The following ADGRA3 variants were observed in gnomAD, a reference collection of about 807,000 sequenced individuals.
ADGRA3 encodes the protein G-protein coupled receptor 125.
A neutral mutation model predicts 119.8 loss-of-function variants in ADGRA3; 56 were observed. The ratio of observed to expected loss-of-function variants is 0.47; its 90% CI spans 0.38 to 0.58. ADGRA3 has a LOEUF of 0.58. Ranked by LOEUF, ADGRA3 falls within the 20% of genes least tolerant of loss-of-function variation. The probability of loss-of-function intolerance (pLI) is 0.00; values close to 1 mark genes in which losing one functional copy is unlikely to be tolerated. For missense variants in ADGRA3, 1,516 were observed against 1,649.0 expected, an observed-to-expected ratio of 0.92 and a Z score of 1.40; for synonymous variants, 607 against 623.8, an observed-to-expected ratio of 0.97 and a Z score of 0.40.
intron 1 of ADGRA3, among the ~76,000 whole-genome samples, chr4:22,498,912 CA>C (rs55995027): frequency 3.7e-4 from 13 of 35,314 alleles, no homozygotes; most frequent in East Asian, 1.8e-3. Flanking sequence ...AGACTCGTCT[CA>C]AAAAAAAAAC....
chr4:22,505,835 C>A (rs567231189), intron 1 of ADGRA3, among the ~76,000 whole-genome samples: 2 of 151,992 alleles, frequency 1.3e-5, no homozygotes, highest in South Asian at 4.2e-4. Flanking sequence ...GGAAGAGGTA[C>A]AAGACTAAGA....
intron 11 of ADGRA3, among the ~76,000 whole-genome samples, chr4:22,423,366 C>T (rs780175175): frequency 1.3e-5 from 2 of 152,028 alleles, no homozygotes; most frequent in Non-Finnish European, 2.9e-5. Flanking sequence ...CAGAGATCAA[C>T]AGGAAAATAG....
chr4:22,412,233 CGTACTCTAAATATACTCCTTGAT>C (rs1456774152), intron 14 of ADGRA3, among the ~76,000 whole-genome samples: 1 of 151,990 alleles, frequency 6.6e-6, no homozygotes, highest in Non-Finnish European at 1.5e-5. Context: ...TTCCTTCCAC[CGTACTCTAAATATACTCCTTGAT>C]GTCAGTATTT....
chr4:22,498,745 C>G (rs1718939596), intron 1 of ADGRA3, among the ~76,000 whole-genome samples: 1 of 151,956 alleles, frequency 6.6e-6, no homozygotes, highest in Non-Finnish European at 1.5e-5. Flanking sequence ...GAAACCCCGT[C>G]TCTACTAAAA....
rs1714421778 is a variant in ADGRA3, at chr4:22,397,667, T to A, written c.2481+3764A>T. Reference sequence around the variant, plus strand: ...GTGGGAGGTAACTGAATCATGAGGGTGGGTCTTTCCTGAGCTGTTCTTGCG... The same window carrying A: ...GTGGGAGGTAACTGAATCATGAGGGAGGGTCTTTCCTGAGCTGTTCTTGCG... On this transcript the variant is annotated intron_variant, in intron 16 of 18. Transcript: ENST00000334304. Among the ~76,000 whole-genome samples, 9 of 152,026 alleles carry A rather than the reference T, an allele frequency of 5.9e-5. No individual in the cohort carries two copies. In the South Asian group the frequency reaches 1.9e-3, roughly 32 times the overall value.
chr4:22,459,285 A>T (rs186748309), intron 3 of ADGRA3, among the ~76,000 whole-genome samples: 564 of 152,250 alleles, frequency 3.7e-3, no homozygotes, highest in African/African-American at 0.012. Context: ...ACATGGATAC[A>T]TAGAGGGAAC....
chr4:22,453,209 AAAAAAAAAG>A (rs1281227189), intron 4 of ADGRA3, among the ~76,000 whole-genome samples: 2 of 68,578 alleles, frequency 2.9e-5, no homozygotes, highest in African/African-American at 6.3e-5. Flanking sequence ...TCAAAAAAAA[AAAAAAAAAG>A]AAAGAAAAAG....
chr4:22,432,755 A>G (rs1262400706), intron 10 of ADGRA3, among the ~76,000 whole-genome samples: 1 of 151,544 alleles, frequency 6.6e-6, no homozygotes. Flanking sequence ...TATCACTTAG[A>G]TCTGGCAGTT....
intron 16 of ADGRA3, chr4:22,394,446 T>G (rs914500960): frequency 6.6e-6 from 1 of 152,200 alleles, no homozygotes; most frequent in African/African-American, 2.4e-5. Flanking sequence ...CTGACTGCGC[T>G]GTGAAAGCAA....
At chr4:22,457,251 C>T (rs1174634918) in intron 3 of ADGRA3, among the ~76,000 whole-genome samples, 3 of 152,152 alleles carry the variant, frequency 2.0e-5, no homozygotes, top group African/African-American at 7.2e-5. Flanking sequence ...CAGAAAGCCA[C>T]TTCAACTTCC....
At chr4:22,423,739 T>C (rs1715809642) in intron 11 of ADGRA3, among the ~76,000 whole-genome samples, 1 of 152,194 alleles carries the variant, frequency 6.6e-6, no homozygotes, top group Non-Finnish European at 1.5e-5. Flanking sequence ...CAATCAGATA[T>C]TCTCTCAAAA....
intron 12 of ADGRA3, among the ~76,000 whole-genome samples, chr4:22,415,624 AC>A (rs1303112739): frequency 6.6e-6 from 1 of 152,184 alleles, no homozygotes; most frequent in East Asian, 1.9e-4. Context: ...AAACTCAAGT[AC>A]TATAAAATTC....
chr4:22,470,983 G>A (rs1447033844), intron 2 of ADGRA3, among the ~76,000 whole-genome samples: 1 of 152,150 alleles, frequency 6.6e-6, no homozygotes, highest in Non-Finnish European at 1.5e-5. Context: ...GAGGGTTGCT[G>A]AAAGCAGGAG....
At position 22,413,273 on chromosome 4, in the gene ADGRA3, C is replaced by T. The variant is rs948715025; in HGVS notation, c.2141G>A (p.Gly714Asp). Residue 714 changes from glycine to aspartate, a missense_variant, in exon 14 of 19, where the codon GGC becomes GAC. Transcript: ENST00000334304. ...WDFDLLNGQG[G>D]WKSDGCHILY... ...TATATGGCACCCATCTGACTTCCAG[C>T]CTCCTTGTCCGTTCAGCAAATCGAA... 1.2e-6 allele frequency: 2 copies of T among 1,613,980 alleles called. No individual in the cohort carries two copies. Among genetic ancestry groups the T allele is most frequent in the African/African-American group, 2.7e-5 (2 of 74,906 alleles).
In ADGRA3 at chr4:22,442,007, G is replaced by A. The variant is rs1716633752; in HGVS notation, c.920+643C>T. ...CCTGGCAGAGAGTCTGAAAACTGCA[G>A]CTCTACTGAAATAAAAATATAAGCC... On this transcript the variant is annotated intron_variant, in intron 7 of 18. Transcript: ENST00000334304. Among the ~76,000 whole-genome samples, 3 of 152,138 alleles carry A rather than the reference G, an allele frequency of 2.0e-5. No individual in the cohort carries two copies. In the South Asian group the frequency reaches 6.2e-4, roughly 32 times the overall value.
intron 2 of ADGRA3, among the ~76,000 whole-genome samples, chr4:22,467,304 C>G (rs969110170): frequency 5.3e-5 from 8 of 152,172 alleles, no homozygotes; most frequent in Non-Finnish European, 7.3e-5. Context: ...CCAGGAGGTA[C>G]AGTTAATCAT....
chr4:22,408,362 T>A (rs958293254), intron 14 of ADGRA3, among the ~76,000 whole-genome samples: 1 of 151,716 alleles, frequency 6.6e-6, no homozygotes, highest in Non-Finnish European at 1.5e-5. Context: ...AAAAAAGGCA[T>A]GAACTGGGAG....
At chr4:22,485,217 G>A (rs771867799) in intron 1 of ADGRA3, among the ~76,000 whole-genome samples, 3 of 152,124 alleles carry the variant, frequency 2.0e-5, no homozygotes, top group Non-Finnish European at 4.4e-5. Context: ...GAATAGCTAG[G>A]ATCATAGACA....
In ADGRA3 at chr4:22,402,673, A is replaced by C. The variant is rs1714715436; in HGVS notation, c.2357+2T>G. ...TCTATTTTGTCGAGATGTATTTCTTACCTGTGATGGTATATGTAACTGACA... is the reference window on the plus strand; with the variant it reads ...TCTATTTTGTCGAGATGTATTTCTTCCCTGTGATGGTATATGTAACTGACA... On this transcript the variant is annotated splice_donor_variant, in intron 15 of 18. Transcript: ENST00000334304. LOFTEE classifies it high-confidence loss of function. 1 of 1,610,880 alleles carries C rather than the reference A, an allele frequency of 6.2e-7. No individual in the cohort carries two copies. Among genetic ancestry groups the C allele is most frequent in the Admixed American group, 1.7e-5 (1 of 59,236 alleles).
Sources: gnomAD v4.1 joint callset for allele counts (sites outside exome capture counted in the v4.1 genomes callset) on GRCh38, gnomAD v4.1.1 for gene constraint, MANE v1.5 for transcripts, NCBI Gene and HGNC (gene_info 2026-07-23, HGNC 2026-07-21) for gene names.